DNAH17: variants seen among roughly 807,000 people sequenced by gnomAD.
DNAH17 encodes axonemal beta dynein heavy chain 17.
Under a neutral mutation model 485.6 loss-of-function variants are expected in DNAH17, and 376 were observed. That is an observed-to-expected ratio of 0.77 (90% confidence interval 0.71 to 0.84). The LOEUF (loss-of-function observed/expected upper bound fraction) is 0.84, where lower values mean the gene tolerates loss of function less well. DNAH17 is among the 40% of genes least tolerant of loss of function. DNAH17 has a pLI of 0.00. For missense variants in DNAH17, 6,370 were observed against 5,839.3 expected (o/e 1.09, Z -2.96); for synonymous variants, 3,031 against 2,405.9 (o/e 1.26, Z -7.60).
At chr17:78,527,151 G>GA (rs2091100875) in intron 22 of DNAH17, among the ~76,000 whole-genome samples, 155 bp from the exon 23 acceptor site, 1 of 152,208 alleles carries the variant, frequency 6.6e-6, no homozygotes, top group South Asian at 2.1e-4. Context: ...GGGAGGCTGA[G>GA]ATGGAAGGAT....
intron 54 of DNAH17, among the ~76,000 whole-genome samples, chr17:78,475,048 T>TCACATGGACATG (rs1452600053): frequency 1.5e-5 from 2 of 134,116 alleles, no homozygotes; most frequent in Non-Finnish European, 3.1e-5. Context: ...TTCACCTCAG[T>TCACATGGACATG]CACACGGGCT....
At chr17:78,478,871 CATT>C in intron 51 of DNAH17, 151 bp downstream of exon 51, 3 of 648,210 alleles carry the variant, frequency 4.6e-6, no homozygotes, top group Non-Finnish European at 8.1e-6. Flanking sequence ...TCACCACCAC[CATT>C]ACCATCACCA....
At chr17:78,573,264 G>A (rs980483407) in intron 2 of DNAH17, among the ~76,000 whole-genome samples, 1 of 152,134 alleles carries the variant, frequency 6.6e-6, no homozygotes, top group Non-Finnish European at 1.5e-5. Flanking sequence ...CTAACTCCCA[G>A]CACCTTAGAA....
At chr17:78,460,091 C>T (rs941509178) in intron 59 of DNAH17, 71 bp downstream of exon 59, 5 of 1,583,954 alleles carry the variant, frequency 3.2e-6, no homozygotes, top group Non-Finnish European at 4.3e-6. Flanking sequence ...GTGTCACCAC[C>T]CACGCCAACA....
In DNAH17 at chr17:78,560,846, T is replaced by C; in HGVS notation, c.1925A>G (p.Gln642Arg). 1 of 1,551,888 alleles carries C rather than the reference T, an allele frequency of 6.4e-7. No homozygotes were observed. The highest frequency in any genetic ancestry group is 1.2e-5 in the South Asian group (1 of 84,074). ...CTGGTCCACGCCCGCCACCCACTGCTGGTAGATCTTCTCGCGGTGGCACCT... is the reference window on the plus strand; with the variant it reads ...CTGGTCCACGCCCGCCACCCACTGCCGGTAGATCTTCTCGCGGTGGCACCT... ...LLRCHREKIY[Q>R]QWVAGVDQDC... The change falls in exon 13 of 81, where the codon CAG becomes CGG. Residue 642 changes from glutamine to arginine, a missense_variant. By Grantham distance (43) the Gln-to-Arg change is conservative (BLOSUM62 1). Coordinates refer to ENST00000389840, the MANE Select transcript of DNAH17 (RefSeq NM_173628.4).
chr17:78,529,800 C>T (rs1422427599), intron 21 of DNAH17, 106 bp from the exon 22 acceptor site: 28 of 1,175,550 alleles, frequency 2.4e-5, no homozygotes, highest in Non-Finnish European at 3.1e-5. Flanking sequence ...GTCAACTGGC[C>T]ATCACTGAAG....
rs746488712 is a variant in DNAH17, at chr17:78,502,693, G to C, written c.5088C>G (p.Ala1696=). The change falls in exon 33 of 81, where the codon GCC becomes GCG. Residue 1696 remains alanine, a synonymous_variant. Coordinates refer to ENST00000389840, the MANE Select transcript of DNAH17 (RefSeq NM_173628.4). ...TCCACCAGATCTGGGTGCAAGTCAG[G>C]GCCACCTGAAAGTACATACCCCCCA... The part of the protein sequence containing the change: ...QWILDYPAQV[A]LTCTQIWWTT... The C allele has an allele frequency of 2.5e-6, 4 of 1,611,552 alleles. No individual in the cohort carries two copies. Among genetic ancestry groups the C allele is most frequent in the Non-Finnish European group, 3.4e-6 (4 of 1,179,862 alleles).
chr17:78,453,261 C>G (rs1371695320), intron 65 of DNAH17, 82 bp downstream of exon 65: 3 of 1,538,262 alleles, frequency 2.0e-6, no homozygotes, highest in South Asian at 1.2e-5. Flanking sequence ...AAATTCCGGG[C>G]GTTTTCTCTA....
chr17:78,424,377 G>C (rs2086307237), intron 80 of DNAH17: 1 of 508,678 alleles, frequency 2.0e-6, no homozygotes. Context: ...CTCAGCTAAA[G>C]CCCTCGGGTT....
intron 16 of DNAH17, among the ~76,000 whole-genome samples, chr17:78,544,967 CTT>C (rs1486935923): frequency 6.6e-6 from 1 of 151,960 alleles, no homozygotes; most frequent in Non-Finnish European, 1.5e-5. Context: ...AAAAAACAGT[CTT>C]TGGCCATATC....
At chr17:78,540,692 G>A (rs1204922877) in intron 17 of DNAH17, among the ~76,000 whole-genome samples, 1 of 53,324 alleles carries the variant, frequency 1.9e-5, no homozygotes, top group Non-Finnish European at 3.5e-5. Context: ...ATGGATGGGT[G>A]GATGGGTGGA....
At chr17:78,475,983 T>C (rs2088998728) in intron 52 of DNAH17, 150 bp from the exon 53 acceptor site, 2 of 850,516 alleles carry the variant, frequency 2.4e-6, no homozygotes, top group Non-Finnish European at 3.5e-6. Flanking sequence ...CCTGCTGCCG[T>C]GGGCCCAGCA....
chr17:78,497,025 T>C (rs1196689014), intron 37 of DNAH17: 1 of 152,236 alleles, frequency 6.6e-6, no homozygotes, highest in African/African-American at 2.4e-5. Context: ...ACCCAGGCTG[T>C]TGCAGGAACC....
intron 63 of DNAH17, 97 bp from the exon 64 acceptor site, chr17:78,454,802 T>A: frequency 9.0e-7 from 1 of 1,105,862 alleles, no homozygotes; most frequent in Non-Finnish European, 1.3e-6. Flanking sequence ...GTGCTGCGGT[T>A]AGGGGTGGAC....
At chr17:78,473,132 C>G (rs970482303) in intron 54 of DNAH17, among the ~76,000 whole-genome samples, 2 of 152,324 alleles carry the variant, frequency 1.3e-5, no homozygotes, top group Admixed American at 6.5e-5. Context: ...TATGGCAGCA[C>G]CATTAGAACG....
chr17:78,450,387 T>C lies in DNAH17; in HGVS notation c.10907A>G (p.Glu3636Gly). 1.9e-6 allele frequency: 3 copies of C among 1,613,796 alleles called. No individual in the cohort carries two copies. The South Asian group carries it at 3.3e-5, about 18-fold the overall frequency. The change falls in exon 68 of 81, where the codon GAG becomes GGG. Residue 3636 changes from glutamate (E) to glycine (G), a missense_variant. Physicochemically the swap from Glu to Gly is moderately conservative, Grantham distance 98. Transcript: ENST00000389840. ...GATTTTAACTTCTGTGATTTTTGCC[T>C]CCACCACCTCGACACAAACAAAAGG... Reference protein sequence around the residue: ...TASEIEEKVVEAKITEVKINE... With the variant: ...TASEIEEKVVGAKITEVKINE...
Position 78,449,462 on chromosome 17 carries a change from TC to T in DNAH17, c.11162del (p.Gly3721AspfsTer21), listed in dbSNP as rs781328148. The T allele has an allele frequency of 1.7e-5, 26 of 1,554,896 alleles. No individual in the cohort carries two copies. Among genetic ancestry groups the T allele is most frequent in the Non-Finnish European group, 6.1e-6 (7 of 1,149,230 alleles). ...TYSVYMYTAR[G>X]LFERDKLIFL... ...AAATGAGTTTGTCCCTCTCGAAGAG[TC>T]CCCGGGCCGTGTACATGTAGACGGA... is the stretch of plus-strand genomic sequence containing the variant. On this transcript the variant is annotated frameshift_variant, in exon 69 of 81. Coordinates refer to ENST00000389840, the MANE Select transcript of DNAH17 (RefSeq NM_173628.4). LOFTEE classifies it high-confidence loss of function.
intron 17 of DNAH17, among the ~76,000 whole-genome samples, chr17:78,540,447 ATGGGTGGG>A (rs1212303093): frequency 1.6e-4 from 1 of 6,292 alleles, no homozygotes; most frequent in Non-Finnish European, 2.9e-4. Flanking sequence ...GGATGGATGG[ATGGGTGGG>A]TGGGTGGGTG....
chr17:78,510,511 G>A lies in DNAH17; in HGVS notation c.4114-5C>T. ...TTCTGACATTTTAAATTTCACCTAA[G>A]GGAAAAAAATCCAGGCAGGATTCAT... On this transcript the variant is annotated splice_region_variant and splice_polypyrimidine_tract_variant and intron_variant, in intron 26 of 80. Coordinates refer to ENST00000389840, the MANE Select transcript of DNAH17 (RefSeq NM_173628.4). The A allele has an allele frequency of 6.2e-7, 1 of 1,613,498 alleles. No homozygotes were observed. The highest frequency in any genetic ancestry group is 8.5e-7 in the Non-Finnish European group (1 of 1,179,592).
Sources: gnomAD v4.1 joint callset for allele counts (sites outside exome capture counted in the v4.1 genomes callset) on GRCh38, gnomAD v4.1.1 for gene constraint, MANE v1.5 for transcripts, NCBI Gene and HGNC (gene_info 2026-07-23, HGNC 2026-07-21) for gene names.